SAMMSON: variants seen among roughly 807,000 people sequenced by gnomAD.
SAMMSON encodes survival associated mitochondrial melanoma specific oncogenic non-coding RNA.
chr3:70,065,279 G>A (rs895616717), intron 3 of SAMMSON: 5 of 152,040 alleles, frequency 3.3e-5, no homozygotes, highest in African/African-American at 4.8e-5. Flanking sequence ...TCAAGGATAC[G>A]GGGAGATAAT....
chr3:70,333,624 A>G (rs1404865309), intron 7 of SAMMSON, among the ~76,000 whole-genome samples: 1 of 152,142 alleles, frequency 6.6e-6, no homozygotes, highest in African/African-American at 2.4e-5. Context: ...TCACACTTTT[A>G]CATAGAGCCC....
intron 2 of SAMMSON, among the ~76,000 whole-genome samples, chr3:70,409,013 C>A (rs1701197671): frequency 6.6e-6 from 1 of 152,074 alleles, no homozygotes; most frequent in Admixed American, 6.6e-5. Context: ...CCTGACAAAA[C>A]CATCAGATCT....
chr3:70,042,132 A>G (rs1017459829), intron 3 of SAMMSON, among the ~76,000 whole-genome samples: 3 of 152,146 alleles, frequency 2.0e-5, no homozygotes, highest in Non-Finnish European at 4.4e-5. Flanking sequence ...ATGGTTGCAC[A>G]TATCCCTCAT....
intron 6 of SAMMSON, chr3:70,272,193 A>G (rs934651846): frequency 6.6e-6 from 1 of 152,226 alleles, no homozygotes; most frequent in African/African-American, 2.4e-5. Flanking sequence ...CCAAATGCAT[A>G]GTGGGGGTTT....
At chr3:70,058,360 C>T (rs753018819) in intron 3 of SAMMSON, among the ~76,000 whole-genome samples, 22 of 151,880 alleles carry the variant, frequency 1.4e-4, no homozygotes, top group Non-Finnish European at 2.5e-4. Flanking sequence ...AGTTTGGATG[C>T]GGTAAAAGTT....
chr3:70,066,284 A>T (rs1367478656), intron 3 of SAMMSON, among the ~76,000 whole-genome samples: 1 of 152,142 alleles, frequency 6.6e-6, no homozygotes, highest in Non-Finnish European at 1.5e-5. Context: ...TTCTTATGAC[A>T]TTCTGTTCAG....
chr3:70,207,110 A>T (rs542418100), intron 4 of SAMMSON, among the ~76,000 whole-genome samples: 1 of 151,252 alleles, frequency 6.6e-6, no homozygotes, highest in African/African-American at 2.4e-5. Flanking sequence ...CTCATAGTAC[A>T]TTGTCAGCCT....
At chr3:70,045,088 TTA>T (rs1180641156) in intron 3 of SAMMSON, among the ~76,000 whole-genome samples, 3 of 41,218 alleles carry the variant, frequency 7.3e-5, no homozygotes, top group Non-Finnish European at 1.2e-4. Flanking sequence ...ATATATATAA[TTA>T]ATTATAATAT....
At chr3:70,427,646 G>A (rs1015707350) in intron 2 of SAMMSON, among the ~76,000 whole-genome samples, 1 of 151,458 alleles carries the variant, frequency 6.6e-6, no homozygotes, top group African/African-American at 2.4e-5. Context: ...GCTGAGGCAG[G>A]AGAATGGCAT....
Position 70,246,027 on chromosome 3 carries a change from A to T in SAMMSON, n.508-3080A>T, listed in dbSNP as rs551639555. On this transcript the variant is annotated intron_variant and non_coding_transcript_variant, in intron 4 of 9. Transcript: ENST00000642114. ...ATATAACAATAACTTGCATTGTTAA[A>T]TATATATATGTAGATAGACAGATAG... Among the ~76,000 whole-genome samples, 3 of 151,802 alleles carry T rather than the reference A, an allele frequency of 2.0e-5. No individual in the cohort carries two copies. The Admixed American group carries it at 2.0e-4, about 10-fold the overall frequency.
intron 1 of SAMMSON, among the ~76,000 whole-genome samples, chr3:70,010,516 G>C (rs1286303033): frequency 3.3e-5 from 5 of 151,972 alleles, no homozygotes; most frequent in African/African-American, 1.2e-4. Context: ...TAGCACCAAG[G>C]GGAAGATGGA....
intron 4 of SAMMSON, among the ~76,000 whole-genome samples, chr3:70,208,697 G>T (rs1701313441): frequency 6.6e-6 from 1 of 151,988 alleles, no homozygotes; most frequent in African/African-American, 2.4e-5. Context: ...GTGCATCAGT[G>T]ATTTTCAGAA....
intron 7 of SAMMSON, among the ~76,000 whole-genome samples, chr3:70,336,084 T>C (rs1237873049): frequency 1.3e-5 from 2 of 152,008 alleles, no homozygotes; most frequent in African/African-American, 4.8e-5. Flanking sequence ...AGGTCAAATT[T>C]ATATTTTAAA....
intron 7 of SAMMSON, among the ~76,000 whole-genome samples, chr3:70,350,028 C>T (rs1559569852): frequency 6.6e-6 from 1 of 152,102 alleles, no homozygotes; most frequent in South Asian, 2.1e-4. Context: ...AAAATTTCCA[C>T]TTAAACTTCT....
At chr3:70,404,237 C>G (rs991543394) in intron 2 of SAMMSON, among the ~76,000 whole-genome samples, 2 of 151,872 alleles carry the variant, frequency 1.3e-5, no homozygotes, top group Non-Finnish European at 2.9e-5. Context: ...ACAATGTTTG[C>G]TCATATTCTT....
intron 7 of SAMMSON, among the ~76,000 whole-genome samples, chr3:70,322,422 C>T (rs1188815308): frequency 6.6e-6 from 1 of 152,092 alleles, no homozygotes; most frequent in Non-Finnish European, 1.5e-5. Flanking sequence ...TTGACTGTGT[C>T]TTTGCTTTTG....
intron 2 of SAMMSON, among the ~76,000 whole-genome samples, chr3:70,418,714 G>T (rs560609811): frequency 6.6e-6 from 1 of 152,310 alleles, no homozygotes; most frequent in African/African-American, 2.4e-5. Flanking sequence ...AAAAAGGGCA[G>T]AGTACAAGCC....
At chr3:70,127,128 C>G (rs1644975810) in intron 4 of SAMMSON, 1 of 152,140 alleles carries the variant, frequency 6.6e-6, no homozygotes, top group African/African-American at 2.4e-5. Context: ...AAAGGCTGTA[C>G]CACTTAAGAG....
chr3:70,029,919 T>C (rs1024015238), intron 3 of SAMMSON, among the ~76,000 whole-genome samples: 2 of 152,212 alleles, frequency 1.3e-5, no homozygotes, highest in Admixed American at 6.5e-5. Context: ...GTCCATTACT[T>C]GAGAGATTCT....
Sources: gnomAD v4.1 joint callset for allele counts (sites outside exome capture counted in the v4.1 genomes callset) on GRCh38, gnomAD v4.1.1 for gene constraint, MANE v1.5 for transcripts, NCBI Gene and HGNC (gene_info 2026-07-23, HGNC 2026-07-21) for gene names.